Variants in TRDN observed in about 807,000 individuals in gnomAD.
TRDN encodes the protein triadin in skeletal muscle.
TRDN carries 161 observed loss-of-function variants against 149.7 expected under a neutral mutation model. That is an observed-to-expected ratio of 1.08 (90% CI 0.95 to 1.23). TRDN has a LOEUF of 1.23. TRDN is among the 50% of genes most tolerant of loss of function. The probability of loss-of-function intolerance (pLI) is 0.00; values close to 1 mark genes in which losing one functional copy is unlikely to be tolerated. For missense variants in TRDN, 896 were observed against 823.5 expected, an observed-to-expected ratio of 1.09 and a Z score of -1.08; for synonymous variants, 294 against 250.5, an observed-to-expected ratio of 1.17 and a Z score of -1.64.
chr6:123,264,176 T>C (rs1181587815), intron 33 of TRDN, among the ~76,000 whole-genome samples: 4 of 152,126 alleles, frequency 2.6e-5, no homozygotes, highest in South Asian at 4.1e-4. Flanking sequence ...GTGACTCATC[T>C]GATAGATCCG....
intron 38 of TRDN, among the ~76,000 whole-genome samples, chr6:123,229,099 G>A (rs907467677): frequency 9.9e-5 from 15 of 151,740 alleles, no homozygotes; most frequent in African/African-American, 3.4e-4. Context: ...TTCATTCTTC[G>A]CTTACATAGA....
At chr6:123,257,424 G>T (rs1318211662) in intron 35 of TRDN, among the ~76,000 whole-genome samples, 1 of 152,058 alleles carries the variant, frequency 6.6e-6, no homozygotes, top group African/African-American at 2.4e-5. Flanking sequence ...GCTTGTTTTT[G>T]TCAGGTTTGT....
In TRDN at chr6:123,596,887, C is replaced by T. The variant is rs936475197; in HGVS notation, c.23-25755G>A. Among the ~76,000 whole-genome samples the T allele has an allele frequency of 1.6e-4, 25 of 152,176 alleles. No homozygotes were observed. The South Asian group carries it at 2.5e-3, about 15-fold the overall frequency. Reference sequence around the variant, plus strand: ...CTTATTGAGAATGTACTTGGTCACTCAAGAGCTCTGATAGAGATGTTTAAG... The same window carrying T: ...CTTATTGAGAATGTACTTGGTCACTTAAGAGCTCTGATAGAGATGTTTAAG... On this transcript the variant is annotated intron_variant, in intron 1 of 40. Transcript: ENST00000334268.
At chr6:123,588,283 G>T (rs1372069697) in intron 1 of TRDN, among the ~76,000 whole-genome samples, 1 of 152,144 alleles carries the variant, frequency 6.6e-6, no homozygotes, top group Non-Finnish European at 1.5e-5. Context: ...GTCACATGAT[G>T]CTATACTAGT....
At chr6:123,502,214 G>GT (rs915720084) in intron 8 of TRDN, 155 of 982,482 alleles carry the variant, frequency 1.6e-4, no homozygotes, top group Non-Finnish European at 1.8e-4. Flanking sequence ...TATTTCTGCT[G>GT]TTTTTTTACC....
intron 1 of TRDN, among the ~76,000 whole-genome samples, chr6:123,575,448 A>G (rs1010554891): frequency 2.6e-5 from 4 of 152,118 alleles, no homozygotes; most frequent in Non-Finnish European, 1.5e-5. Context: ...CACTTTAAAG[A>G]TGACAAGAGC....
chr6:123,266,408 TAA>T (rs1413984865), intron 32 of TRDN, among the ~76,000 whole-genome samples: 1 of 104,892 alleles, frequency 9.5e-6, no homozygotes, highest in African/African-American at 4.3e-5. Context: ...GTATTATATA[TAA>T]TATATAGATT....
intron 1 of TRDN, among the ~76,000 whole-genome samples, chr6:123,586,274 A>G (rs4086635): frequency 0.5 from 75,650 of 151,762 alleles, 19,056 homozygotes; most frequent in East Asian, 0.59. Flanking sequence ...AGGAGGGGAG[A>G]TGATAAAAGG....
intron 12 of TRDN, among the ~76,000 whole-genome samples, chr6:123,422,422 C>G (rs372145719): frequency 1.3e-5 from 2 of 152,046 alleles, no homozygotes; most frequent in African/African-American, 4.8e-5. Context: ...TTTAACTAAG[C>G]AGGAAAGCTT....
chr6:123,254,418 G>A (rs931719576), intron 37 of TRDN, among the ~76,000 whole-genome samples: 1 of 151,992 alleles, frequency 6.6e-6, no homozygotes, highest in Non-Finnish European at 1.5e-5. Flanking sequence ...CCCTACTAGA[G>A]ATTTATGTAT....
intron 12 of TRDN, among the ~76,000 whole-genome samples, chr6:123,428,073 C>T (rs188926404): frequency 4.8e-4 from 73 of 152,210 alleles, no homozygotes; most frequent in Admixed American, 2.8e-3. Context: ...GAAGAGAGTA[C>T]TTATATTTCT....
intron 1 of TRDN, among the ~76,000 whole-genome samples, chr6:123,572,636 T>A (rs746734560): frequency 1.3e-5 from 2 of 152,084 alleles, no homozygotes; most frequent in Non-Finnish European, 2.9e-5. Context: ...TATACAGATG[T>A]GAAGTAAGTA....
intron 21 of TRDN, among the ~76,000 whole-genome samples, chr6:123,340,500 T>C (rs1367186354): frequency 6.6e-6 from 1 of 152,020 alleles, no homozygotes; most frequent in Admixed American, 6.6e-5. Context: ...AATTGGAAAG[T>C]GTAAAGGATT....
intron 1 of TRDN, among the ~76,000 whole-genome samples, chr6:123,586,526 C>T (rs1013772906): frequency 6.6e-6 from 1 of 152,126 alleles, no homozygotes. Context: ...GCACCTCAGA[C>T]CATTTGCCCA....
At chr6:123,268,406 T>C (rs1432662410) in intron 31 of TRDN, among the ~76,000 whole-genome samples, 3 of 152,104 alleles carry the variant, frequency 2.0e-5, no homozygotes, top group Middle Eastern at 3.4e-3. Context: ...AATATTTGAA[T>C]TAAAAATTTT....
At chr6:123,498,794 T>G in intron 8 of TRDN, 1 of 350,758 alleles carries the variant, frequency 2.9e-6, no homozygotes, top group South Asian at 2.3e-5. Flanking sequence ...AATGAAAAGT[T>G]TGAAGTCAGA....
At chr6:123,244,157 T>C (rs541607454) in intron 38 of TRDN, among the ~76,000 whole-genome samples, 1 of 152,266 alleles carries the variant, frequency 6.6e-6, no homozygotes, top group South Asian at 2.1e-4. Flanking sequence ...GCAAAAATGC[T>C]GAAAATTCCA....
At chr6:123,345,666 A>C (rs1780220322) in intron 21 of TRDN, among the ~76,000 whole-genome samples, 1 of 152,088 alleles carries the variant, frequency 6.6e-6, no homozygotes. Context: ...GCAGCTTGAC[A>C]ATACTAAGTC....
intron 9 of TRDN, among the ~76,000 whole-genome samples, chr6:123,466,474 A>G (rs1233449561): frequency 6.6e-6 from 1 of 152,132 alleles, no homozygotes; most frequent in Non-Finnish European, 1.5e-5. Context: ...ATTGGATTTC[A>G]ATGCAGGTTC....
Sources: gnomAD v4.1 joint callset for allele counts (sites outside exome capture counted in the v4.1 genomes callset) on GRCh38, gnomAD v4.1.1 for gene constraint, MANE v1.5 for transcripts, NCBI Gene and HGNC (gene_info 2026-07-23, HGNC 2026-07-21) for gene names.